CSMD1: variants seen among roughly 807,000 people sequenced by gnomAD.
CSMD1 encodes the protein CUB and Sushi multiple domains 1.
Under a neutral mutation model 417.5 loss-of-function variants are expected in CSMD1, and 213 were observed. The observed-to-expected ratio is 0.51, with a 90% CI of 0.46 to 0.57. The LOEUF is 0.57. Ranked by LOEUF, CSMD1 falls within the 20% of genes least tolerant of loss-of-function variation. The probability of loss-of-function intolerance (pLI) is 0.00; values close to 1 mark genes in which losing one functional copy is unlikely to be tolerated. For missense variants in CSMD1, 6,923 were observed against 4,529.7 expected (o/e 1.53, Z -15.17); for synonymous variants, 2,862 against 1,736.8 (o/e 1.65, Z -16.11).
chr8:3,158,060 G>T, intron 38 of CSMD1, 94 bp from the exon 39 acceptor site: 2 of 1,025,198 alleles, frequency 2.0e-6, no homozygotes, highest in Admixed American at 2.4e-5. Flanking sequence ...TTCCTTTCTT[G>T]TTTTAATTAT....
intron 48 of CSMD1, among the ~76,000 whole-genome samples, chr8:3,088,200 G>C: frequency 6.6e-6 from 1 of 152,124 alleles, no homozygotes; most frequent in Non-Finnish European, 1.5e-5. Flanking sequence ...TCATATTTAT[G>C]GCTAAAAGTC....
At chr8:3,780,417 C>T (rs1261851562) in intron 5 of CSMD1, among the ~76,000 whole-genome samples, 1 of 152,216 alleles carries the variant, frequency 6.6e-6, no homozygotes, top group Non-Finnish European at 1.5e-5. Flanking sequence ...ACATTATCAA[C>T]ACTGCTGACT....
At chr8:3,654,601 C>T (rs1798012075) in intron 7 of CSMD1, among the ~76,000 whole-genome samples, 1 of 152,172 alleles carries the variant, frequency 6.6e-6, no homozygotes, top group Non-Finnish European at 1.5e-5. Context: ...CAAAGACCTC[C>T]CATATCTTTT....
chr8:3,570,884 A>G (rs1799914709), intron 10 of CSMD1, among the ~76,000 whole-genome samples: 1 of 152,094 alleles, frequency 6.6e-6, no homozygotes, highest in South Asian at 2.1e-4. Flanking sequence ...AACAATAGGA[A>G]CTCTAAGCTT....
intron 20 of CSMD1, among the ~76,000 whole-genome samples, chr8:3,364,199 T>G (rs1809397191): frequency 1.3e-5 from 2 of 152,178 alleles, no homozygotes; most frequent in South Asian, 2.1e-4. Flanking sequence ...TGGCAATTGT[T>G]TGCAGCACAG....
At chr8:4,792,742 C>A (rs752148372) in intron 1 of CSMD1, among the ~76,000 whole-genome samples, 7 of 152,106 alleles carry the variant, frequency 4.6e-5, no homozygotes, top group Non-Finnish European at 8.8e-5. Context: ...TCAATTACAC[C>A]GATGCCCATT....
chr8:3,998,047 G>A lies in CSMD1; in HGVS notation c.674C>T (p.Pro225Leu). ...TSSSISSPHF[P>L]SEYENNADCT... ...GTCCGCGTTGTTCTCGTACTCTGAA[G>A]GGAAGTGCGGGCTGGAGATGGAGCT... Residue 225 changes from proline (P) to leucine (L), a missense_variant, in exon 5 of 70, where the codon CCT (proline) becomes CTT (leucine). Coordinates refer to ENST00000635120, the MANE Select transcript of CSMD1 (RefSeq NM_033225.6). 6.3e-7 allele frequency: 1 copy of A among 1,599,556 alleles called. No homozygotes were observed. The highest frequency in any genetic ancestry group is 1.1e-5 in the South Asian group (1 of 88,514).
chr8:4,516,233 C>T (rs1159432730), intron 2 of CSMD1, among the ~76,000 whole-genome samples: 1 of 152,008 alleles, frequency 6.6e-6, no homozygotes, highest in African/African-American at 2.4e-5. Context: ...ACGTGAGGAC[C>T]CAGAGAGAAG....
intron 41 of CSMD1, among the ~76,000 whole-genome samples, chr8:3,138,331 G>A (rs939833217): frequency 5.9e-5 from 9 of 152,178 alleles, no homozygotes; most frequent in African/African-American, 2.2e-4. Flanking sequence ...GATACTCAGG[G>A]ATCCAGATGA....
chr8:4,366,419 G>C (rs1055861576), intron 3 of CSMD1, among the ~76,000 whole-genome samples: 1 of 152,124 alleles, frequency 6.6e-6, no homozygotes, highest in African/African-American at 2.4e-5. Flanking sequence ...TTGACAGAAT[G>C]ATTTATTTCC....
At chr8:4,473,069 T>C (rs1256549253) in intron 2 of CSMD1, among the ~76,000 whole-genome samples, 1 of 152,140 alleles carries the variant, frequency 6.6e-6, no homozygotes, top group East Asian at 1.9e-4. Context: ...TATTTTAGGA[T>C]ATGGGCCTGA....
At chr8:4,988,525 C>A (rs1350793240) in intron 1 of CSMD1, among the ~76,000 whole-genome samples, 1 of 152,170 alleles carries the variant, frequency 6.6e-6, no homozygotes, top group Non-Finnish European at 1.5e-5. Flanking sequence ...CACCGTAGGT[C>A]AAAGTGACAC....
chr8:3,352,431 A>G (rs1323222854), intron 21 of CSMD1, among the ~76,000 whole-genome samples: 1 of 152,232 alleles, frequency 6.6e-6, no homozygotes, highest in East Asian at 1.9e-4. Context: ...GAAAGTTCAA[A>G]TAAATAATCA....
intron 1 of CSMD1, among the ~76,000 whole-genome samples, chr8:4,818,150 T>C (rs1170320897): frequency 2.0e-5 from 3 of 152,200 alleles, no homozygotes; most frequent in Non-Finnish European, 4.4e-5. Flanking sequence ...GCATAATTTA[T>C]GTGACAAATG....
At chr8:4,959,986 A>G (rs931455949) in intron 1 of CSMD1, among the ~76,000 whole-genome samples, 1 of 152,188 alleles carries the variant, frequency 6.6e-6, no homozygotes, top group Non-Finnish European at 1.5e-5. Flanking sequence ...TTACTGACTT[A>G]TGGTTTCTCT....
intron 37 of CSMD1, among the ~76,000 whole-genome samples, chr8:3,163,185 G>C (rs1412079165): frequency 1.3e-5 from 2 of 152,146 alleles, no homozygotes; most frequent in Non-Finnish European, 2.9e-5. Context: ...CTAAGGGCTT[G>C]TTGAATACAA....
intron 1 of CSMD1, among the ~76,000 whole-genome samples, chr8:4,823,959 T>G (rs949032093): frequency 2.0e-5 from 3 of 151,712 alleles, no homozygotes; most frequent in African/African-American, 7.3e-5. Flanking sequence ...CAAATCTAAG[T>G]GCACACATAC....
intron 6 of CSMD1, among the ~76,000 whole-genome samples, chr8:3,745,933 G>T (rs544608719): frequency 2.0e-5 from 3 of 152,150 alleles, no homozygotes; most frequent in African/African-American, 7.2e-5. Context: ...CAGCAGGCCG[G>T]GGGGAAAGGC....
At chr8:3,915,997 T>A (rs1285977549) in intron 5 of CSMD1, among the ~76,000 whole-genome samples, 1 of 151,760 alleles carries the variant, frequency 6.6e-6, no homozygotes, top group East Asian at 1.9e-4. Flanking sequence ...AAGATTGATA[T>A]AATGCAATTA....
Sources: gnomAD v4.1 joint callset for allele counts (sites outside exome capture counted in the v4.1 genomes callset) on GRCh38, gnomAD v4.1.1 for gene constraint, MANE v1.5 for transcripts, NCBI Gene and HGNC (gene_info 2026-07-23, HGNC 2026-07-21) for gene names.